The following MTF2 variants were observed in gnomAD, a reference collection of about 807,000 sequenced individuals.
MTF2 encodes the protein metal response element binding transcription factor 2.
Under a neutral mutation model 79.5 loss-of-function variants are expected in MTF2, and 11 were observed. The ratio of observed to expected loss-of-function variants is 0.14; its 90% CI spans 0.09 to 0.23. MTF2 has a LOEUF of 0.23. Ranked by LOEUF, MTF2 falls within the 10% of genes least tolerant of loss-of-function variation. MTF2 has a pLI of 1.00. For synonymous variants in MTF2, 208 were observed against 232.8 expected (o/e 0.89, Z 0.97); for missense variants, 486 against 711.2 (o/e 0.68, Z 3.60).
At position 93,133,822 on chromosome 1, in the gene MTF2, T is replaced by C. The variant is rs1384022006; in HGVS notation, c.1266+14T>C. ...GAGCCACTTTTGGTAAGAGGATATGTTGGTATATGTTCTCAAGAAGAAGGA... is the reference window on the plus strand; with the variant it reads ...GAGCCACTTTTGGTAAGAGGATATGCTGGTATATGTTCTCAAGAAGAAGGA... On this transcript the variant is annotated intron_variant, in intron 12 of 14. Transcript: ENST00000370298. 1 of 1,575,926 alleles carries C rather than the reference T, an allele frequency of 6.3e-7. No homozygotes were observed. The highest frequency in any genetic ancestry group is 2.2e-5 in the East Asian group (1 of 44,562).
At chr1:93,104,827 C>T (rs757931571) in intron 1 of MTF2, among the ~76,000 whole-genome samples, 2 of 151,852 alleles carry the variant, frequency 1.3e-5, no homozygotes, top group East Asian at 1.9e-4. Flanking sequence ...GTATCATGCC[C>T]TATGCAGAGA....
chr1:93,110,806 C>T (rs1279010054), intron 3 of MTF2, among the ~76,000 whole-genome samples, 180 bp downstream of exon 3: 2 of 152,136 alleles, frequency 1.3e-5, no homozygotes, highest in Non-Finnish European at 2.9e-5. Flanking sequence ...CAAGAATACT[C>T]TAGAGGACAG....
Position 93,133,711 on chromosome 1 carries a change from G to A in MTF2, c.1169G>A (p.Ser390Asn). 1 of 1,608,666 alleles carries A rather than the reference G, an allele frequency of 6.2e-7. No individual in the cohort carries two copies. ...SKPISDSREV[S>N]NGIEKKGKKK... ...ATGGTTTTCCATTTCAGGGAAGTAA[G>A]CAATGGCATAGAAAAAAAAGGAAAG... The change falls in exon 12 of 15, where the codon AGC becomes AAC. Residue 390 changes from serine to asparagine, a missense_variant. By Grantham distance (46) the Ser-to-Asn change is conservative. Around this residue, in one of 4 missense-constraint regions of MTF2, gnomAD observed 209 missense variants for 206.5 expected, o/e 1.01. Coordinates refer to ENST00000370298, the MANE Select transcript of MTF2 (RefSeq NM_007358.4).
intron 2 of MTF2, 24 bp from the exon 3 acceptor site, chr1:93,110,521 G>A (rs751108816): frequency 4.4e-5 from 71 of 1,602,776 alleles, no homozygotes; most frequent in Middle Eastern, 3.3e-4. Flanking sequence ...AGAGATCACC[G>A]TTAAGTATTT....
intron 1 of MTF2, among the ~76,000 whole-genome samples, chr1:93,105,780 GTTCTCCT>G (rs1395608761): frequency 3.3e-5 from 5 of 151,882 alleles, no homozygotes; most frequent in Non-Finnish European, 5.9e-5. Flanking sequence ...GGTTCAAGCA[GTTCTCCT>G]GCCTCAGCCT....
At chr1:93,085,082 A>G (rs1654780454) in intron 1 of MTF2, among the ~76,000 whole-genome samples, 1 of 152,158 alleles carries the variant, frequency 6.6e-6, no homozygotes, top group Non-Finnish European at 1.5e-5. Context: ...ATAGAAGGGT[A>G]GTTTGTGAAG....
chr1:93,114,911 T>C (rs1656184809), intron 4 of MTF2, 77 bp from the exon 5 acceptor site: 2 of 1,260,456 alleles, frequency 1.6e-6, no homozygotes, highest in Non-Finnish European at 2.2e-6. Flanking sequence ...TAGGAAATAA[T>C]GCTAAAATGC....
At chr1:93,108,205 A>G (rs761792278) in intron 1 of MTF2, among the ~76,000 whole-genome samples, 50 of 152,286 alleles carry the variant, frequency 3.3e-4, no homozygotes, top group African/African-American at 1.1e-3. Flanking sequence ...ATTGTTTTAT[A>G]TACTTGCTTT....
intron 1 of MTF2, among the ~76,000 whole-genome samples, chr1:93,100,291 A>ATGTT (rs111329307): frequency 0.072 from 10,945 of 151,264 alleles, 443 homozygotes; most frequent in African/African-American, 0.085. Flanking sequence ...ATGTGGCATT[A>ATGTT]TGTTTGTTTG....
At chr1:93,103,652 A>G (rs1655643084) in intron 1 of MTF2, among the ~76,000 whole-genome samples, 1 of 151,838 alleles carries the variant, frequency 6.6e-6, no homozygotes, top group Middle Eastern at 3.4e-3. Flanking sequence ...TAACATCAGC[A>G]TGTTTACCTT....
chr1:93,105,143 CAAAA>C lies in MTF2; in HGVS notation c.6-5072_6-5069del, dbSNP rs11372021. 1.5e-4 allele frequency among the ~76,000 whole-genome samples: 17 copies of C among 110,492 alleles called. 1 individual carries two copies. In the East Asian group the frequency reaches 2.8e-3, roughly 18 times the overall value. 72.5% of individuals were successfully genotyped at this position (110,492 alleles called of 152,430 possible). A position where few individuals can be genotyped will look rare whatever the true frequency, so the allele number is the denominator to read the frequency against. On this transcript the variant is annotated intron_variant, in intron 1 of 14. Transcript: ENST00000370298. ...TGGGTGACAGAGCGAGACTCCGTCTCAAAAAAAAAAAAAAAAAAGAGACAGACAT... is the reference window on the plus strand; with the variant it reads ...TGGGTGACAGAGCGAGACTCCGTCTCAAAAAAAAAAAAAAGAGACAGACAT...
chr1:93,087,393 A>G (rs1003705627), intron 1 of MTF2, among the ~76,000 whole-genome samples: 1 of 152,134 alleles, frequency 6.6e-6, no homozygotes, highest in Non-Finnish European at 1.5e-5. Flanking sequence ...CCAACACGGT[A>G]AAACCCCATC....
intron 10 of MTF2, among the ~76,000 whole-genome samples, chr1:93,128,638 G>T (rs535386555): frequency 1.8e-4 from 27 of 151,658 alleles, no homozygotes; most frequent in African/African-American, 5.8e-4. Context: ...GCAAGTTTCA[G>T]TAGAGCTGAG....
chr1:93,114,398 C>T (rs574372881), intron 3 of MTF2, among the ~76,000 whole-genome samples: 4 of 152,288 alleles, frequency 2.6e-5, no homozygotes, highest in African/African-American at 9.6e-5. Context: ...TCCACCTTCA[C>T]CTTTAAGAGT....
At chr1:93,079,743 A>G (rs1654522262) in intron 1 of MTF2, among the ~76,000 whole-genome samples, 1 of 151,976 alleles carries the variant, frequency 6.6e-6, no homozygotes, top group African/African-American at 2.4e-5. Context: ...TAGGGACTAA[A>G]GGAGCGAGGA....
chr1:93,090,962 C>A (rs1234263544), intron 1 of MTF2, among the ~76,000 whole-genome samples: 3 of 152,134 alleles, frequency 2.0e-5, no homozygotes, highest in Non-Finnish European at 4.4e-5. Flanking sequence ...CGCACCCAGC[C>A]TATTTTTCCT....
At chr1:93,101,679 G>A (rs1050253548) in intron 1 of MTF2, among the ~76,000 whole-genome samples, 17 of 139,218 alleles carry the variant, frequency 1.2e-4, no homozygotes, top group Admixed American at 4.1e-4. Context: ...CCAGGCTCAC[G>A]CAATTCTCCC....
rs1557564699 is a variant in MTF2 at position 93,138,507 on chromosome 1, T to C, written c.*1480T>C. On this transcript the variant is annotated 3_prime_UTR_variant, in exon 15 of 15. Coordinates refer to ENST00000370298, the MANE Select transcript of MTF2 (RefSeq NM_007358.4). ...TTGACTGTTTATAAAGAAAGTTGCT[T>C]TATTTCTTTAAACATCTTCAAAAGA... 6.6e-6 allele frequency: 1 copy of C among 152,222 alleles called. No individual in the cohort carries two copies. Among genetic ancestry groups the C allele is most frequent in the East Asian group, 1.9e-4 (1 of 5,200 alleles). 9.4% of individuals were successfully genotyped at this position (152,222 alleles called of 1,614,324 possible).
intron 1 of MTF2, among the ~76,000 whole-genome samples, chr1:93,087,327 T>C (rs1654886201): frequency 1.3e-5 from 2 of 152,122 alleles, no homozygotes; most frequent in Non-Finnish European, 2.9e-5. Flanking sequence ...ATCCCAGCAC[T>C]TTGGGAGGCC....
Sources: gnomAD v4.1 joint callset for allele counts (sites outside exome capture counted in the v4.1 genomes callset) on GRCh38, gnomAD v4.1.1 for gene constraint, gnomAD v4.1.1 regional missense constraint, MANE v1.5 for transcripts, NCBI Gene and HGNC (gene_info 2026-07-23, HGNC 2026-07-21) for gene names.